RIMS1: variants seen among roughly 807,000 people sequenced by gnomAD.
The protein encoded by RIMS1 is regulating synaptic membrane exocytosis protein 1.
RIMS1 carries 83 observed loss-of-function variants against 214.1 expected under a neutral mutation model. The ratio of observed to expected loss-of-function variants is 0.39; its 90% CI spans 0.32 to 0.47. The LOEUF (loss-of-function observed/expected upper bound fraction) is 0.47. Ranked by LOEUF, RIMS1 falls within the 20% of genes least tolerant of loss-of-function variation. The pLI is 0.99. For synonymous variants in RIMS1, 793 were observed against 786.8 expected (o/e 1.01, Z -0.13); for missense variants, 2,050 against 2,161.8 (o/e 0.95, Z 1.03).
chr6:72,209,683 C>T (rs934004545), intron 6 of RIMS1, among the ~76,000 whole-genome samples: 19 of 152,012 alleles, frequency 1.2e-4, no homozygotes, highest in Non-Finnish European at 1.6e-4. Context: ...GGATGGATCA[C>T]GAGGTTAGGA....
chr6:72,015,337 G>A (rs1384814790), intron 2 of RIMS1, among the ~76,000 whole-genome samples: 1 of 152,052 alleles, frequency 6.6e-6, no homozygotes, highest in African/African-American at 2.4e-5. Context: ...TTGGATCAGG[G>A]ATGTCCAAAC....
At chr6:71,969,884 G>A (rs972433158) in intron 2 of RIMS1, among the ~76,000 whole-genome samples, 7 of 152,098 alleles carry the variant, frequency 4.6e-5, no homozygotes, top group Admixed American at 2.0e-4. Context: ...CTTAAGTGTA[G>A]ATCCTAATGA....
intron 2 of RIMS1, among the ~76,000 whole-genome samples, chr6:72,026,667 A>G (rs1211566337): frequency 6.6e-6 from 1 of 152,082 alleles, no homozygotes; most frequent in Non-Finnish European, 1.5e-5. Context: ...AAACTTATAC[A>G]TGAAAACCTT....
chr6:72,293,773 C>T (rs2093731624), intron 26 of RIMS1, among the ~76,000 whole-genome samples: 1 of 151,688 alleles, frequency 6.6e-6, no homozygotes, highest in Admixed American at 6.6e-5. Context: ...TAAAAAAGCT[C>T]ATGTTCTATT....
chr6:71,887,401 A>C (rs1768075208), intron 1 of RIMS1, among the ~76,000 whole-genome samples: 1 of 151,990 alleles, frequency 6.6e-6, no homozygotes, highest in Non-Finnish European at 1.5e-5. Flanking sequence ...AGATCCAGGA[A>C]CCCAAAGGCC....
At chr6:71,923,698 C>G (rs1780714491) in intron 1 of RIMS1, among the ~76,000 whole-genome samples, 1 of 152,048 alleles carries the variant, frequency 6.6e-6, no homozygotes, top group African/African-American at 2.4e-5. Flanking sequence ...TCCCGAGTAG[C>G]TGGGATTACT....
rs772453672 is a variant in RIMS1, at chr6:72,307,239, C to G, written c.3851-19C>G. Reference sequence around the variant, plus strand: ...GTTCTTCACATGTTTTAATAGGCTTCCATTATGTGTTTTTGCAGCAAGCTT... The same window carrying G: ...GTTCTTCACATGTTTTAATAGGCTTGCATTATGTGTTTTTGCAGCAAGCTT... On this transcript the variant is annotated intron_variant, in intron 26 of 33. Transcript: ENST00000521978. 6.6e-6 allele frequency: 10 copies of G among 1,514,308 alleles called. No homozygotes were observed. The highest frequency in any genetic ancestry group is 1.4e-5 in the African/African-American group (1 of 73,160). The allele number at this position is 1,514,308 out of a possible 1,614,324, so 93.8% of individuals were successfully genotyped here. A position where few individuals can be genotyped will look rare whatever the true frequency, so the allele number is the denominator to read the frequency against.
At chr6:72,272,220 G>T (rs1414088848) in intron 22 of RIMS1, among the ~76,000 whole-genome samples, 2 of 152,092 alleles carry the variant, frequency 1.3e-5, no homozygotes, top group Non-Finnish European at 2.9e-5. Flanking sequence ...AACCAGAGTT[G>T]GGAAGAGAGA....
intron 28 of RIMS1, among the ~76,000 whole-genome samples, chr6:72,315,483 G>A (rs933196785): frequency 2.0e-5 from 3 of 152,090 alleles, no homozygotes; most frequent in African/African-American, 7.2e-5. Flanking sequence ...TTCCCCTTAA[G>A]CTAACATAAA....
intron 2 of RIMS1, among the ~76,000 whole-genome samples, chr6:72,052,829 T>C (rs1161927233): frequency 2.0e-5 from 3 of 152,126 alleles, no homozygotes; most frequent in Admixed American, 6.6e-5. Context: ...ATAAGACACT[T>C]TATTTGATCT....
At chr6:72,258,328 A>G in intron 17 of RIMS1, 47 bp downstream of exon 17, 1 of 1,510,444 alleles carries the variant, frequency 6.6e-7, no homozygotes, top group Non-Finnish European at 9.1e-7. Flanking sequence ...CATTTTTATT[A>G]TAATGCAGTG....
In RIMS1 at chr6:72,097,048, T is replaced by C; in HGVS notation, c.345T>C (p.Thr115=). ...GCGAGCACAAAGACGATGCTCCGAC[T>C]TGTGGAATCTGTCATAAAACAAAGT... is the stretch of plus-strand genomic sequence containing the variant. ...YQGEHKDDAP[T]CGICHKTKFA... The change falls in exon 3 of 34, where the codon ACT becomes ACC. Residue 115 remains threonine (T), a synonymous_variant. Coordinates refer to ENST00000521978, the MANE Select transcript of RIMS1 (RefSeq NM_014989.7). The C allele has an allele frequency of 6.2e-7, 1 of 1,614,008 alleles. No individual in the cohort carries two copies. Among genetic ancestry groups the C allele is most frequent in the Non-Finnish European group, 8.5e-7 (1 of 1,179,884 alleles).
intron 27 of RIMS1, among the ~76,000 whole-genome samples, chr6:72,310,216 G>A (rs1279201599): frequency 6.6e-6 from 1 of 152,022 alleles, no homozygotes; most frequent in African/African-American, 2.4e-5. Context: ...AGTAGAACTG[G>A]ACTTTTTTTC....
At chr6:72,123,695 C>A (rs554781991) in intron 4 of RIMS1, among the ~76,000 whole-genome samples, 17 of 151,976 alleles carry the variant, frequency 1.1e-4, no homozygotes, top group African/African-American at 4.1e-4. Flanking sequence ...GTTAGCTCTT[C>A]TTGTTGAATT....
chr6:72,256,558 T>C (rs139460676), intron 16 of RIMS1, among the ~76,000 whole-genome samples: 215 of 152,156 alleles, frequency 1.4e-3, no homozygotes, highest in African/African-American at 5.0e-3. Context: ...GAATACTCAC[T>C]TAAATCTCGA....
At chr6:72,349,481 T>A (rs1382757818) in intron 29 of RIMS1, among the ~76,000 whole-genome samples, 5 of 152,002 alleles carry the variant, frequency 3.3e-5, no homozygotes, top group Admixed American at 1.3e-4. Flanking sequence ...TATCTAGTGA[T>A]GTAATGATGT....
At chr6:71,944,862 A>G (rs1787301578) in intron 1 of RIMS1, among the ~76,000 whole-genome samples, 2 of 152,168 alleles carry the variant, frequency 1.3e-5, no homozygotes, top group African/African-American at 4.8e-5. Flanking sequence ...TTGACAATGT[A>G]CCACTGACTT....
intron 6 of RIMS1, among the ~76,000 whole-genome samples, chr6:72,210,883 A>G (rs960141685): frequency 1.3e-5 from 2 of 152,162 alleles, no homozygotes; most frequent in African/African-American, 2.4e-5. Context: ...TTGTTTGATG[A>G]AAGAAGTTCT....
At chr6:72,131,356 T>G (rs1028219276) in intron 4 of RIMS1, among the ~76,000 whole-genome samples, 2 of 152,128 alleles carry the variant, frequency 1.3e-5, no homozygotes, top group South Asian at 4.1e-4. Flanking sequence ...GATAGTCACG[T>G]AGGTTCTTTT....
Sources: allele counts gnomAD v4.1 joint callset (sites outside exome capture counted in the v4.1 genomes callset), GRCh38; gene constraint gnomAD v4.1.1; transcripts MANE v1.5; gene names NCBI Gene and HGNC (gene_info 2026-07-23, HGNC 2026-07-21).